Variants in PALLD observed in about 807,000 individuals in gnomAD.
PALLD encodes the protein palladin, cytoskeletal associated protein, also known as palladin.
In PALLD, 61 loss-of-function variants were observed where a neutral mutation model predicts 123.5. The observed-to-expected ratio is 0.49, with a 90% CI of 0.40 to 0.61. The LOEUF is 0.61. Among genes scored for constraint, PALLD ranks in the 20% least tolerant of loss-of-function variants. The pLI, the probability that PALLD is intolerant of heterozygous loss-of-function variation, is 0.00. For synonymous variants in PALLD, 465 were observed against 496.4 expected (o/e 0.94, Z 0.84); for missense variants, 1,273 against 1,377.0 (o/e 0.92, Z 1.20).
chr4:168,593,105 ATCT>A (rs1771605425), intron 2 of PALLD, among the ~76,000 whole-genome samples: 2 of 152,074 alleles, frequency 1.3e-5, no homozygotes, highest in African/African-American at 4.8e-5. Flanking sequence ...TTCCCTAATA[ATCT>A]TCTATATAAA....
intron 10 of PALLD, among the ~76,000 whole-genome samples, chr4:168,746,376 G>A (rs184535562): frequency 0.03 from 1,031 of 34,560 alleles, 24 homozygotes; most frequent in African/African-American, 0.094. Flanking sequence ...GCGAGAACCC[G>A]TCTCAAAAAA....
chr4:168,629,716 G>A (rs1468178468), intron 2 of PALLD, among the ~76,000 whole-genome samples: 6 of 151,976 alleles, frequency 3.9e-5, no homozygotes, highest in African/African-American at 4.8e-5. Context: ...CACAAACCGC[G>A]TAACGTTGGG....
chr4:168,710,400 C>T (rs182390832), intron 9 of PALLD, among the ~76,000 whole-genome samples: 1 of 151,984 alleles, frequency 6.6e-6, no homozygotes, highest in African/African-American at 2.4e-5. Context: ...ATGTTTTTGA[C>T]CAAGCCTGGA....
rs1746786983 is a variant in PALLD, at chr4:168,845,993, T to C, written c.1965-44929T>C. 1.3e-5 allele frequency among the ~76,000 whole-genome samples: 2 copies of C among 152,252 alleles called. 1 individual carries two copies. The highest frequency in any genetic ancestry group is 4.1e-4 in the South Asian group (2 of 4,832). The stretch of plus-strand genomic sequence containing the variant: ...TGTGGTCTCAATCAGTGAGGCTTCC[T>C]CTTGCAATAATCTGAGATGGCAAGT... On this transcript the variant is annotated intron_variant, in intron 10 of 21. Transcript: ENST00000505667.
chr4:168,678,715 A>G (rs1010839234), intron 3 of PALLD, among the ~76,000 whole-genome samples: 2 of 151,322 alleles, frequency 1.3e-5, no homozygotes, highest in African/African-American at 2.4e-5. Context: ...TTCCTGCTTC[A>G]CTCACCACCG....
rs184722264 is a variant in PALLD, at chr4:168,622,756, C to T, written c.909-45434C>T. ...ACAATCTCCTGACAGATCATACTTC[C>T]GGTGCCTAAGTTAGAAAGCGAATGA... is the stretch of plus-strand genomic sequence containing the variant. On this transcript the variant is annotated intron_variant, in intron 2 of 21. Transcript: ENST00000505667. Among the ~76,000 whole-genome samples, 9 of 152,276 alleles carry T rather than the reference C, an allele frequency of 5.9e-5. No homozygotes were observed. In the East Asian group the frequency reaches 1.2e-3, roughly 20 times the overall value.
intron 1 of PALLD, among the ~76,000 whole-genome samples, chr4:168,510,458 A>G (rs1762429230): frequency 6.6e-6 from 1 of 152,090 alleles, no homozygotes; most frequent in South Asian, 2.1e-4. Context: ...TTTGTTTAAT[A>G]TCTTCTCTAT....
chr4:168,600,091 G>A (rs2245855), intron 2 of PALLD, among the ~76,000 whole-genome samples: 93,872 of 133,566 alleles, frequency 0.7, 31,072 homozygotes, highest in African/African-American at 0.86. Flanking sequence ...ATATATACAT[G>A]CATGTGTATG....
At chr4:168,517,813 C>T (rs1164810158) in intron 2 of PALLD, among the ~76,000 whole-genome samples, 1 of 152,108 alleles carries the variant, frequency 6.6e-6, no homozygotes, top group Non-Finnish European at 1.5e-5. Context: ...CAATGAGATA[C>T]CAGATAATAC....
At chr4:168,578,802 C>T (rs1375234804) in intron 2 of PALLD, among the ~76,000 whole-genome samples, 1 of 150,122 alleles carries the variant, frequency 6.7e-6, no homozygotes, top group Non-Finnish European at 1.5e-5. Flanking sequence ...GATAGATAGT[C>T]CCAGTGCTTA....
intron 10 of PALLD, among the ~76,000 whole-genome samples, chr4:168,735,956 T>C (rs934625120): frequency 4.6e-5 from 7 of 152,302 alleles, no homozygotes; most frequent in Non-Finnish European, 8.8e-5. Flanking sequence ...TGACTAACAT[T>C]CCACAGGTTA....
In PALLD at chr4:168,690,761, A is replaced by G. The variant is rs1307694872; in HGVS notation, c.1477+17A>G. On this transcript the variant is annotated intron_variant, in intron 7 of 21. Coordinates refer to ENST00000505667, the MANE Select transcript of PALLD (RefSeq NM_001166108.2). The stretch of plus-strand genomic sequence containing the variant: ...TACAGAAAAGTAAGGAGAAGTGCCC[A>G]TGTCCCCAAATCTGACCATTTTATT... The G allele has an allele frequency of 9.3e-6, 15 of 1,613,530 alleles. No homozygotes were observed. The highest frequency in any genetic ancestry group is 1.3e-5 in the African/African-American group (1 of 74,912).
chr4:168,561,888 T>C (rs1031559864), intron 2 of PALLD, among the ~76,000 whole-genome samples: 3 of 152,178 alleles, frequency 2.0e-5, no homozygotes, highest in African/African-American at 7.2e-5. Flanking sequence ...AAAAAAGAGC[T>C]ACCGTGACTT....
chr4:168,903,780 G>C lies in PALLD; in HGVS notation c.2496G>C (p.Lys832Asn). The C allele has an allele frequency of 1.9e-6, 3 of 1,612,474 alleles. No individual in the cohort carries two copies. The highest frequency in any genetic ancestry group is 2.5e-6 in the Non-Finnish European group (3 of 1,178,632). The change falls in exon 15 of 22, where the codon AAG becomes AAC. Residue 832 changes from lysine to asparagine, a missense_variant. Lys to Asn is a moderately conservative substitution (Grantham distance 94). This residue lies in a region of PALLD where 329 missense variants were observed against 422.5 expected (regional missense o/e 0.78). Transcript: ENST00000505667. ...AGATCTATTGGTTTAAAGATGGGAA[G>C]CAGATCTCTCCAAAGAGTGATCACT... ...KPKIYWFKDG[K>N]QISPKSDHYT... is the part of the protein sequence containing the mutation.
chr4:168,564,309 G>A (rs565549209), intron 2 of PALLD, among the ~76,000 whole-genome samples: 9 of 152,316 alleles, frequency 5.9e-5, no homozygotes, highest in African/African-American at 2.2e-4. Flanking sequence ...TGTCTCAAGT[G>A]AGGTGACCTA....
chr4:168,792,003 T>G (rs1421454745), intron 10 of PALLD, among the ~76,000 whole-genome samples: 1 of 152,198 alleles, frequency 6.6e-6, no homozygotes, highest in Non-Finnish European at 1.5e-5. Flanking sequence ...GAACAGTCAT[T>G]CCTATCTTTT....
At chr4:168,811,184 G>T (rs1741058033) in intron 10 of PALLD, among the ~76,000 whole-genome samples, 1 of 152,168 alleles carries the variant, frequency 6.6e-6, no homozygotes, top group South Asian at 2.1e-4. Context: ...AGTTAGAATT[G>T]CCTGGATTCG....
At chr4:168,744,455 C>T (rs2150359155) in intron 10 of PALLD, among the ~76,000 whole-genome samples, 1 of 151,252 alleles carries the variant, frequency 6.6e-6, no homozygotes, top group African/African-American at 2.4e-5. Context: ...GGCTATAGAG[C>T]AGAACAAAAC....
At chr4:168,565,776 C>A (rs1768310845) in intron 2 of PALLD, among the ~76,000 whole-genome samples, 1 of 151,978 alleles carries the variant, frequency 6.6e-6, no homozygotes. Flanking sequence ...AAGAAGAGCT[C>A]ATAAAAAAGA....
Sources: allele counts gnomAD v4.1 joint callset (sites outside exome capture counted in the v4.1 genomes callset), GRCh38; gene constraint gnomAD v4.1.1; regional missense constraint gnomAD v4.1.1; transcripts MANE v1.5; gene names NCBI Gene and HGNC (gene_info 2026-07-23, HGNC 2026-07-21).